Variants in TASP1 observed in about 807,000 individuals in gnomAD.
TASP1 encodes taspase 1, also known as threonine aspartase 1.
A neutral mutation model predicts 56.6 loss-of-function variants in TASP1; 16 were observed. That is an observed-to-expected ratio of 0.28 (90% CI 0.19 to 0.43). TASP1 has a LOEUF of 0.43. Ranked by LOEUF, TASP1 falls within the 20% of genes least tolerant of loss-of-function variation. The pLI, the probability that TASP1 is intolerant of heterozygous loss-of-function variation, is 1.00. For synonymous variants in TASP1, 179 were observed against 184.2 expected, an observed-to-expected ratio of 0.97 and a Z score of 0.23; for missense variants, 393 against 511.6, an observed-to-expected ratio of 0.77 and a Z score of 2.24.
chr20:13,633,957 A>G (rs988706550), intron 1 of TASP1, among the ~76,000 whole-genome samples: 29 of 152,238 alleles, frequency 1.9e-4, no homozygotes, highest in African/African-American at 6.8e-4. Context: ...TTATTTCTAA[A>G]TAACACTGGC....
chr20:13,355,266 A>T, the TASP1 span, among the ~76,000 whole-genome samples: 1 of 152,200 alleles, frequency 6.6e-6, no homozygotes, highest in Non-Finnish European at 1.5e-5. Context: ...CACATATGTT[A>T]TTTTAAAAAA....
chr20:13,598,889 A>G (rs2047846885), intron 4 of TASP1, among the ~76,000 whole-genome samples: 1 of 152,262 alleles, frequency 6.6e-6, no homozygotes, highest in Admixed American at 6.5e-5. Context: ...ACACTTCTCA[A>G]TAGAAGACAT....
intron 11 of TASP1, among the ~76,000 whole-genome samples, chr20:13,444,754 G>A (rs2043341435): frequency 6.6e-6 from 1 of 152,088 alleles, no homozygotes; most frequent in East Asian, 1.9e-4. Flanking sequence ...CTTTATAGAA[G>A]AGAAACCAAA....
the TASP1 span, among the ~76,000 whole-genome samples, chr20:13,305,980 T>C: frequency 6.6e-6 from 1 of 152,304 alleles, no homozygotes; most frequent in East Asian, 1.9e-4. Context: ...ACAGCTGCAA[T>C]AGCAAAGCTG....
At chr20:13,234,429 C>A in the TASP1 span, among the ~76,000 whole-genome samples, 1 of 152,102 alleles carries the variant, frequency 6.6e-6, no homozygotes, top group African/African-American at 2.4e-5. Context: ...GTGCGGGTAT[C>A]TTTTTGATGT....
chr20:13,559,135 AC>A (rs991690754), intron 7 of TASP1, 21 bp from the exon 8 acceptor site: 5 of 1,443,834 alleles, frequency 3.5e-6, no homozygotes, highest in South Asian at 2.8e-5. Context: ...AAAATAAAAA[AC>A]ATTAAATATA....
At chr20:13,295,211 C>G in the TASP1 span, among the ~76,000 whole-genome samples, 1 of 152,198 alleles carries the variant, frequency 6.6e-6, no homozygotes, top group African/African-American at 2.4e-5. Context: ...CTCTTCTGAT[C>G]CCACCTGCTG....
chr20:13,455,109 T>A (rs1347991611), intron 11 of TASP1, among the ~76,000 whole-genome samples: 1 of 152,004 alleles, frequency 6.6e-6, no homozygotes, highest in East Asian at 1.9e-4. Context: ...AATGCCTTCT[T>A]AAAAAAACAG....
chr20:13,550,488 A>AT (rs1311667768), intron 8 of TASP1, among the ~76,000 whole-genome samples: 4 of 152,250 alleles, frequency 2.6e-5, no homozygotes, highest in East Asian at 1.9e-4. Context: ...ACTAAAAAAA[A>AT]AATTTCAAAT....
At chr20:13,242,776 C>A in the TASP1 span, among the ~76,000 whole-genome samples, 133 of 152,264 alleles carry the variant, frequency 8.7e-4, no homozygotes, top group Non-Finnish European at 1.3e-3. Context: ...GTGAGGTTGG[C>A]AGCCATAGCT....
chr20:13,431,294 C>T (rs905818813), intron 12 of TASP1, among the ~76,000 whole-genome samples: 5 of 152,004 alleles, frequency 3.3e-5, no homozygotes, highest in African/African-American at 7.3e-5. Context: ...GGTCCAAACA[C>T]GAAGCAAATT....
At chr20:13,425,894 G>A (rs191904914) in intron 12 of TASP1, among the ~76,000 whole-genome samples, 13 of 152,204 alleles carry the variant, frequency 8.5e-5, no homozygotes, top group African/African-American at 3.1e-4. Flanking sequence ...GTCCCATTAT[G>A]GCCATGAAGA....
the TASP1 span, among the ~76,000 whole-genome samples, chr20:13,116,801 G>A: frequency 3.3e-5 from 5 of 152,164 alleles, no homozygotes; most frequent in Non-Finnish European, 5.9e-5. Flanking sequence ...AAAAATGCAC[G>A]TTCTCAGCCC....
At chr20:13,460,072 T>C (rs1259577503) in intron 11 of TASP1, among the ~76,000 whole-genome samples, 4 of 152,144 alleles carry the variant, frequency 2.6e-5, no homozygotes, top group Non-Finnish European at 4.4e-5. Flanking sequence ...CTGTTTCCTA[T>C]TTATCTCCTC....
At chr20:13,609,412 G>T (rs534028645) in intron 4 of TASP1, among the ~76,000 whole-genome samples, 2 of 152,098 alleles carry the variant, frequency 1.3e-5, no homozygotes, top group African/African-American at 4.8e-5. Flanking sequence ...GGCCAAGCGC[G>T]GTGGCTCACA....
the TASP1 span, among the ~76,000 whole-genome samples, chr20:13,326,357 G>A: frequency 2.0e-5 from 3 of 152,076 alleles, no homozygotes; most frequent in African/African-American, 7.2e-5. Flanking sequence ...GGGTCATGTA[G>A]TATGTATATG....
chr20:13,577,209 T>G (rs2046956343), intron 6 of TASP1, among the ~76,000 whole-genome samples: 1 of 152,142 alleles, frequency 6.6e-6, no homozygotes. Flanking sequence ...AAATGTTATA[T>G]TACTCCTGGT....
chr20:13,455,882 C>T (rs568487665), intron 11 of TASP1, among the ~76,000 whole-genome samples: 1 of 152,246 alleles, frequency 6.6e-6, no homozygotes, highest in South Asian at 2.1e-4. Flanking sequence ...CAATAGATAT[C>T]TCAATTGCTT....
chr20:13,549,172 C>T (rs2045899711), intron 8 of TASP1, among the ~76,000 whole-genome samples: 1 of 152,124 alleles, frequency 6.6e-6, no homozygotes, highest in African/African-American at 2.4e-5. Context: ...GATCTAGATA[C>T]AACTCTTGAC....
Sources: allele counts gnomAD v4.1 joint callset (sites outside exome capture counted in the v4.1 genomes callset), GRCh38; gene constraint gnomAD v4.1.1; transcripts MANE v1.5; gene names NCBI Gene and HGNC (gene_info 2026-07-23, HGNC 2026-07-21).